Variants in GNG12 observed in about 807,000 individuals in gnomAD.
GNG12 encodes the protein guanine nucleotide-binding protein G(I)/G(S)/G(O) subunit gamma-12.
For synonymous variants in GNG12, 28 were observed against 29.7 expected (o/e 0.94, Z 0.19); for missense variants, 69 against 83.8 (o/e 0.82, Z 0.69).
chr1:67,816,770 G>A lies in GNG12; in HGVS notation c.-77+16574C>T, dbSNP rs571590317. Reference sequence around the variant, plus strand: ...GACGTCCTGAGCCTGGCCAGCACCCGACAACTCCCAGCTCACTAGATTTAA... The same window carrying A: ...GACGTCCTGAGCCTGGCCAGCACCCAACAACTCCCAGCTCACTAGATTTAA... On this transcript the variant is annotated intron_variant, in intron 1 of 3. Coordinates refer to ENST00000370982, the MANE Select transcript of GNG12 (RefSeq NM_018841.6). Among the ~76,000 whole-genome samples, 15 of 152,264 alleles carry A rather than the reference G, an allele frequency of 9.9e-5. No homozygotes were observed. The East Asian group carries it at 2.7e-3, about 27-fold the overall frequency.
chr1:67,724,921 ATAT>A (rs1646377740), intron 2 of GNG12, among the ~76,000 whole-genome samples: 1 of 152,226 alleles, frequency 6.6e-6, no homozygotes, highest in Admixed American at 6.5e-5. Context: ...ATGTCATAAC[ATAT>A]TATATGATAA....
intron 1 of GNG12, among the ~76,000 whole-genome samples, chr1:67,824,318 T>G (rs1033489106): frequency 6.6e-6 from 1 of 151,976 alleles, no homozygotes; most frequent in Non-Finnish European, 1.5e-5. Flanking sequence ...GAGACCAGCC[T>G]GGGCAACATG....
chr1:67,788,969 A>G (rs1486938520), intron 1 of GNG12, among the ~76,000 whole-genome samples: 1 of 152,216 alleles, frequency 6.6e-6, no homozygotes, highest in Non-Finnish European at 1.5e-5. Context: ...AGGACAGTGA[A>G]TGAGATAAAG....
rs904534855 is a variant in GNG12, at chr1:67,702,742, G to C, written c.*2709C>G. On this transcript the variant is annotated 3_prime_UTR_variant, in exon 4 of 4. Coordinates refer to ENST00000370982, the MANE Select transcript of GNG12 (RefSeq NM_018841.6). ...TGCCGTGGTCCTGAGGCCTCAACTG[G>C]ACAGATTTATGATGAACTAATGAAG... 6.6e-6 allele frequency: 1 copy of C among 151,972 alleles called. No homozygotes were observed. The highest frequency in any genetic ancestry group is 1.5e-5 in the Non-Finnish European group (1 of 68,000). 9.4% of individuals were successfully genotyped at this position (151,972 alleles called of 1,614,324 possible). A position where few individuals can be genotyped will look rare whatever the true frequency, so the allele number is the denominator to read the frequency against.
intron 2 of GNG12, among the ~76,000 whole-genome samples, chr1:67,752,031 T>G (rs2100727033): frequency 6.6e-6 from 1 of 152,334 alleles, no homozygotes; most frequent in South Asian, 2.1e-4. Flanking sequence ...CATAAGAAAC[T>G]GCAGTCCCTT....
intron 1 of GNG12, among the ~76,000 whole-genome samples, chr1:67,781,403 T>C (rs1412436463): frequency 6.6e-6 from 1 of 152,214 alleles, no homozygotes; most frequent in Non-Finnish European, 1.5e-5. Flanking sequence ...AATCATGTGC[T>C]AGGGATGGTT....
At chr1:67,729,732 G>A (rs569293873) in intron 2 of GNG12, among the ~76,000 whole-genome samples, 1 of 152,316 alleles carries the variant, frequency 6.6e-6, no homozygotes, top group South Asian at 2.1e-4. Context: ...GGGGTGCTCA[G>A]AGCACTACTA....
At chr1:67,801,274 A>G (rs1646864035) in intron 1 of GNG12, among the ~76,000 whole-genome samples, 1 of 152,230 alleles carries the variant, frequency 6.6e-6, no homozygotes, top group Non-Finnish European at 1.5e-5. Flanking sequence ...TCACTCATGA[A>G]TATGTGGAAC....
At chr1:67,768,020 C>A (rs1646651702) in intron 2 of GNG12, among the ~76,000 whole-genome samples, 1 of 152,220 alleles carries the variant, frequency 6.6e-6, no homozygotes, top group African/African-American at 2.4e-5. Flanking sequence ...CAAGGGAATC[C>A]TTGGCTTCAG....
intron 2 of GNG12, among the ~76,000 whole-genome samples, chr1:67,753,372 A>G (rs1646550021): frequency 6.6e-6 from 1 of 152,142 alleles, no homozygotes; most frequent in South Asian, 2.1e-4. Context: ...AAAACCTGAA[A>G]TCTGAAACAC....
At chr1:67,771,669 G>C (rs994226742) in intron 2 of GNG12, among the ~76,000 whole-genome samples, 1 of 152,204 alleles carries the variant, frequency 6.6e-6, no homozygotes, top group Non-Finnish European at 1.5e-5. Flanking sequence ...AAGGTGGAGA[G>C]AGGTGGACCC....
chr1:67,793,531 T>C (rs1278387238), intron 1 of GNG12, among the ~76,000 whole-genome samples: 1 of 152,088 alleles, frequency 6.6e-6, no homozygotes, highest in Non-Finnish European at 1.5e-5. Context: ...TCAAGCACTT[T>C]GATTTTTTTT....
chr1:67,794,063 C>CA (rs1282684031), intron 1 of GNG12, among the ~76,000 whole-genome samples: 1 of 152,284 alleles, frequency 6.6e-6, no homozygotes, highest in African/African-American at 2.4e-5. Flanking sequence ...CTTAAGGCAC[C>CA]AAATGGGGGC....
intron 2 of GNG12, among the ~76,000 whole-genome samples, chr1:67,748,111 G>A (rs182652991): frequency 6.6e-6 from 1 of 152,256 alleles, no homozygotes; most frequent in Admixed American, 6.5e-5. Context: ...TGCATGAGGG[G>A]GCAGGGAGAG....
At chr1:67,744,062 C>T (rs1208720388) in intron 2 of GNG12, among the ~76,000 whole-genome samples, 2 of 152,122 alleles carry the variant, frequency 1.3e-5, no homozygotes, top group Non-Finnish European at 2.9e-5. Context: ...ACAGTACGAA[C>T]AATAAATGTA....
chr1:67,814,233 T>C (rs1646941314), intron 1 of GNG12, among the ~76,000 whole-genome samples: 1 of 152,216 alleles, frequency 6.6e-6, no homozygotes, highest in Admixed American at 6.5e-5. Context: ...ATTTGTCCCT[T>C]AGCACTCTTC....
chr1:67,775,385 G>A (rs868741365), intron 2 of GNG12, among the ~76,000 whole-genome samples: 1 of 152,212 alleles, frequency 6.6e-6, no homozygotes, highest in African/African-American at 2.4e-5. Context: ...TCAGAATTTT[G>A]AATGTCATGA....
At chr1:67,766,986 G>A (rs544483694) in intron 2 of GNG12, among the ~76,000 whole-genome samples, 33 of 152,336 alleles carry the variant, frequency 2.2e-4, no homozygotes, top group African/African-American at 7.9e-4. Context: ...ATACAAGGCA[G>A]AAGGCTCAGA....
rs78414280 is a variant in GNG12 at position 67,747,446 on chromosome 1, G to A, written c.-27+30012C>T. 1.2e-4 allele frequency among the ~76,000 whole-genome samples: 18 copies of A among 152,304 alleles called. No homozygotes were observed. The East Asian group carries it at 3.3e-3, about 28-fold the overall frequency. ...ATAAAAAATCTATTGAGTGTTCGAT[G>A]GCCCAAGACTGTATCATCTTTGGAG... On this transcript the variant is annotated intron_variant, in intron 2 of 3. Coordinates refer to ENST00000370982, the MANE Select transcript of GNG12 (RefSeq NM_018841.6).
Sources: gnomAD v4.1 joint callset for allele counts (sites outside exome capture counted in the v4.1 genomes callset) on GRCh38, gnomAD v4.1.1 for gene constraint, MANE v1.5 for transcripts, NCBI Gene and HGNC (gene_info 2026-07-23, HGNC 2026-07-21) for gene names.